Variants in SLC4A4 observed in about 807,000 individuals in gnomAD.
SLC4A4 encodes electrogenic sodium bicarbonate cotransporter 1.
In SLC4A4, 27 loss-of-function variants were observed where a neutral mutation model predicts 111.5. That is an observed-to-expected ratio of 0.24 (90% CI 0.18 to 0.33). The LOEUF (loss-of-function observed/expected upper bound fraction) is 0.33. Ranked by LOEUF, SLC4A4 falls within the 10% of genes least tolerant of loss-of-function variation. SLC4A4 has a pLI of 1.00. For missense variants in SLC4A4, 909 were observed against 1,315.5 expected, an observed-to-expected ratio of 0.69 and a Z score of 4.78; for synonymous variants, 443 against 463.4, an observed-to-expected ratio of 0.96 and a Z score of 0.57.
intron 2 of SLC4A4, among the ~76,000 whole-genome samples, chr4:71,158,145 C>G (rs942325526): frequency 1.1e-4 from 16 of 148,312 alleles, no homozygotes; most frequent in African/African-American, 2.3e-4. Flanking sequence ...GTGTGTGTCT[C>G]TCTCTCTCTC....
chr4:71,328,379 TG>T (rs1353973085), intron 3 of SLC4A4, among the ~76,000 whole-genome samples: 16 of 152,098 alleles, frequency 1.1e-4, no homozygotes, highest in Admixed American at 1.0e-3. Flanking sequence ...ATGGTAGTTT[TG>T]TTTTTGGTTT....
At chr4:71,143,789 T>G (rs192440949) in intron 2 of SLC4A4, among the ~76,000 whole-genome samples, 2,625 of 152,162 alleles carry the variant, frequency 0.017, 85 homozygotes, top group African/African-American at 0.06. Context: ...TTTTTGATGG[T>G]GTTGTTTGTT....
chr4:71,546,589 A>T (rs1048252544), intron 19 of SLC4A4, 61 bp downstream of exon 19: 2 of 1,393,642 alleles, frequency 1.4e-6, no homozygotes, highest in Non-Finnish European at 2.0e-6. Context: ...CTATGTGGCA[A>T]TCATAAGGAT....
chr4:71,095,526 C>T (rs758415383), intron 2 of SLC4A4, among the ~76,000 whole-genome samples: 2 of 152,228 alleles, frequency 1.3e-5, no homozygotes, highest in African/African-American at 2.4e-5. Flanking sequence ...GCATCTGCTG[C>T]GTTTTGCTCA....
rs1156380140 is a variant in SLC4A4, at chr4:71,485,693, G to C, written c.1904-1255G>C. Among the ~76,000 whole-genome samples, 5 of 151,444 alleles carry C rather than the reference G, an allele frequency of 3.3e-5. 1 individual carries two copies. The highest frequency in any genetic ancestry group is 2.0e-4 in the Admixed American group (3 of 15,136). ...AAAGACCAGAGTGAATTCCAAAATT[G>C]ACCAAAAGTAGGGCTCAAGCTAAAT... On this transcript the variant is annotated intron_variant, in intron 14 of 25. Coordinates refer to ENST00000264485, the MANE Select transcript of SLC4A4 (RefSeq NM_001098484.3).
At chr4:71,309,546 T>C (rs892099731) in intron 3 of SLC4A4, among the ~76,000 whole-genome samples, 2 of 152,148 alleles carry the variant, frequency 1.3e-5, no homozygotes, top group Non-Finnish European at 2.9e-5. Context: ...GGGTCTGGAA[T>C]GGACCTCCAG....
chr4:71,413,583 A>G (rs780353922), intron 7 of SLC4A4, among the ~76,000 whole-genome samples: 1 of 152,126 alleles, frequency 6.6e-6, no homozygotes, highest in Non-Finnish European at 1.5e-5. Context: ...CTTTCCCTCA[A>G]TGGCTTTTTT....
intron 2 of SLC4A4, among the ~76,000 whole-genome samples, chr4:71,164,933 C>T (rs1013666808): frequency 1.3e-5 from 2 of 151,998 alleles, no homozygotes; most frequent in Non-Finnish European, 2.9e-5. Context: ...ATTTATGTGG[C>T]CAACAAATAT....
intron 2 of SLC4A4, among the ~76,000 whole-genome samples, chr4:71,164,286 C>G (rs1183374590): frequency 6.7e-6 from 1 of 150,142 alleles, no homozygotes; most frequent in Admixed American, 6.7e-5. Context: ...GAGAGTGAGA[C>G]AGGAGAATCG....
At chr4:71,185,701 T>C (rs1385816798), upstream of SLC4A4, among the ~76,000 whole-genome samples, 1 of 152,192 alleles carries the variant, frequency 6.6e-6, no homozygotes, top group African/African-American at 2.4e-5. Flanking sequence ...GCACCATGGA[T>C]CTCTGGATCT....
chr4:71,210,218 T>C (rs1214272593), intron 1 of SLC4A4, among the ~76,000 whole-genome samples: 1 of 152,210 alleles, frequency 6.6e-6, no homozygotes, highest in Non-Finnish European at 1.5e-5. Context: ...CAATGATTGC[T>C]TCCTTTGGGC....
intron 2 of SLC4A4, among the ~76,000 whole-genome samples, chr4:71,097,404 T>C (rs1742587333): frequency 6.6e-6 from 1 of 152,210 alleles, no homozygotes; most frequent in Non-Finnish European, 1.5e-5. Context: ...ATATACCACA[T>C]TTTCTTTACC....
chr4:71,225,278 G>A (rs945126021), intron 1 of SLC4A4, among the ~76,000 whole-genome samples: 4 of 152,048 alleles, frequency 2.6e-5, no homozygotes, highest in African/African-American at 9.7e-5. Flanking sequence ...TTTGAACCCA[G>A]GAGGTGGAGG....
chr4:71,431,165 G>GT (rs1328117884), intron 7 of SLC4A4, among the ~76,000 whole-genome samples: 22 of 151,990 alleles, frequency 1.4e-4, no homozygotes, highest in African/African-American at 5.3e-4. Context: ...TTACATTGCA[G>GT]TGTAATAAAA....
chr4:71,156,052 T>G (rs1407568094), intron 2 of SLC4A4, among the ~76,000 whole-genome samples: 1 of 152,150 alleles, frequency 6.6e-6, no homozygotes, highest in Non-Finnish European at 1.5e-5. Flanking sequence ...AGGAGCTCAG[T>G]CTGTTCTTCC....
intron 1 of SLC4A4, among the ~76,000 whole-genome samples, chr4:71,084,516 T>C (rs1742093461): frequency 6.6e-6 from 1 of 152,028 alleles, no homozygotes; most frequent in South Asian, 2.1e-4. Context: ...AACTCGTCAT[T>C]TAACATTAGG....
chr4:71,197,233 CTG>C (rs1190792090), intron 1 of SLC4A4, among the ~76,000 whole-genome samples: 1 of 151,984 alleles, frequency 6.6e-6, no homozygotes, highest in African/African-American at 2.4e-5. Flanking sequence ...AAAAACAAAA[CTG>C]TATTTCTTCT....
At chr4:71,170,179 T>C (rs1017205101) in intron 2 of SLC4A4, among the ~76,000 whole-genome samples, 1 of 152,340 alleles carries the variant, frequency 6.6e-6, no homozygotes, top group Non-Finnish European at 1.5e-5. Context: ...TTTATTTCTA[T>C]AGTAGAAATT....
At chr4:71,361,977 A>G (rs1730833337) in intron 6 of SLC4A4, among the ~76,000 whole-genome samples, 2 of 152,172 alleles carry the variant, frequency 1.3e-5, no homozygotes, top group Middle Eastern at 3.2e-3. Context: ...GTACCATTTA[A>G]ATGAGTACTT....
Sources: gnomAD v4.1 joint callset for allele counts (sites outside exome capture counted in the v4.1 genomes callset) on GRCh38, gnomAD v4.1.1 for gene constraint, MANE v1.5 for transcripts, NCBI Gene and HGNC (gene_info 2026-07-23, HGNC 2026-07-21) for gene names.